Variants in COQ8A observed in about 807,000 individuals in gnomAD.
COQ8A encodes the protein coenzyme Q8A.
COQ8A carries 51 observed loss-of-function variants against 65.0 expected under a neutral mutation model. The observed-to-expected ratio is 0.78, with a 90% CI of 0.63 to 0.99. The LOEUF (loss-of-function observed/expected upper bound fraction) is 0.99, where lower values mean the gene tolerates loss of function less well. Ranked by LOEUF, COQ8A falls within the 50% of genes least tolerant of loss-of-function variation. COQ8A has a pLI of 0.00. For synonymous variants in COQ8A, 371 were observed against 353.2 expected (o/e 1.05, Z -0.57); for missense variants, 940 against 875.0 (o/e 1.07, Z -0.94).
chr1:226,983,483 G>A (rs1240238991), intron 8 of COQ8A, 69 bp from the exon 9 acceptor site: 6 of 1,447,858 alleles, frequency 4.1e-6, no homozygotes, highest in South Asian at 2.3e-5. Context: ...TGGGGGTTGG[G>A]GGAGTGCCCC....
intron 14 of COQ8A, among the ~76,000 whole-genome samples, chr1:226,985,725 G>C (rs1558210689): frequency 6.6e-6 from 1 of 152,162 alleles, no homozygotes; most frequent in Non-Finnish European, 1.5e-5. Flanking sequence ...AAAGGGGAAC[G>C]GTCTGTGCTG....
chr1:226,983,495 G>A (rs1393266992), intron 8 of COQ8A, 57 bp from the exon 9 acceptor site: 28 of 1,528,836 alleles, frequency 1.8e-5, no homozygotes, highest in Non-Finnish European at 2.5e-5. Context: ...GAGTGCCCCA[G>A]GCAGGGCCCA....
intron 5 of COQ8A, among the ~76,000 whole-genome samples, chr1:226,978,177 A>G (rs1659379490): frequency 7.0e-6 from 1 of 142,834 alleles, no homozygotes; most frequent in South Asian, 2.3e-4. Context: ...ACCTTTTTAC[A>G]TCCTCCACAC....
chr1:226,982,320 CA>C (rs973242548), intron 6 of COQ8A, 171 bp downstream of exon 6: 129 of 996,134 alleles, frequency 1.3e-4, no homozygotes, highest in Admixed American at 1.3e-4. Flanking sequence ...GCTCTGGGTC[CA>C]AAGAAACACA....
At chr1:226,961,690 A>G in intron 2 of COQ8A, 128 bp downstream of exon 2, 1 of 1,170,284 alleles carries the variant, frequency 8.5e-7, no homozygotes, top group South Asian at 1.6e-5. Flanking sequence ...CCCACCAGCT[A>G]ATGTGTCCCA....
Position 226,984,858 on chromosome 1 carries a change from T to G in COQ8A, c.1507-18T>G. 6.2e-7 allele frequency: 1 copy of G among 1,614,088 alleles called. No homozygotes were observed. The highest frequency in any genetic ancestry group is 1.1e-5 in the South Asian group (1 of 91,086). ...TGGAGCACCAGGGCCAAACTTCTCC[T>G]GGTGTCTCTGTCCCCAGGTGGCTCT... On this transcript the variant is annotated intron_variant, in intron 12 of 14. Coordinates refer to ENST00000366777, the MANE Select transcript of COQ8A (RefSeq NM_020247.5).
chr1:226,985,139 C>T lies in COQ8A; in HGVS notation c.1573-115C>T. ...GGTGTCACAGCACTGGCCGGGGGCCCTGTGCAGGGAGAGGATGAGGGTGGG... is the reference window on the plus strand; with the variant it reads ...GGTGTCACAGCACTGGCCGGGGGCCTTGTGCAGGGAGAGGATGAGGGTGGG... On this transcript the variant is annotated intron_variant, in intron 13 of 14. Coordinates refer to ENST00000366777, the MANE Select transcript of COQ8A (RefSeq NM_020247.5). The T allele has an allele frequency of 3.8e-6, 5 of 1,298,896 alleles. No homozygotes were observed. In the South Asian group the frequency reaches 5.9e-5, roughly 15 times the overall value. The allele number at this position is 1,298,896 out of a possible 1,614,324, so 80.5% of individuals were successfully genotyped here.
chr1:226,981,316 C>G (rs1189448477), intron 5 of COQ8A, among the ~76,000 whole-genome samples: 2 of 152,216 alleles, frequency 1.3e-5, no homozygotes, highest in Non-Finnish European at 2.9e-5. Context: ...TGGCAGTTGA[C>G]TTAGCCGGCC....
intron 4 of COQ8A, among the ~76,000 whole-genome samples, chr1:226,966,518 A>T (rs1444216630): frequency 6.6e-6 from 1 of 152,172 alleles, no homozygotes; most frequent in Admixed American, 6.5e-5. Context: ...AGCTGTCCTC[A>T]GTAGGTTCTC....
Position 226,986,913 on chromosome 1 carries a change from G to C in COQ8A, c.*176G>C. The C allele has an allele frequency of 5.4e-6, 4 of 745,344 alleles. No homozygotes were observed. Among genetic ancestry groups the C allele is most frequent in the Non-Finnish European group, 8.7e-6 (4 of 458,444 alleles). 46.2% of individuals were successfully genotyped at this position (745,344 alleles called of 1,614,324 possible). ...GGTTTCTGTTGCTAAATGGTTGTAG[G>C]GTGAGAAGTGCAAGAATGAAGATGA... On this transcript the variant is annotated 3_prime_UTR_variant, in exon 15 of 15. Coordinates refer to ENST00000366777, the MANE Select transcript of COQ8A (RefSeq NM_020247.5).
intron 2 of COQ8A, among the ~76,000 whole-genome samples, chr1:226,963,264 C>T (rs935193730): frequency 9.9e-5 from 15 of 151,420 alleles, no homozygotes; most frequent in African/African-American, 1.7e-4. Flanking sequence ...GGTGGCTGCC[C>T]GCAGTGCGCT....
intron 4 of COQ8A, among the ~76,000 whole-genome samples, chr1:226,975,723 C>A (rs961513951): frequency 6.6e-6 from 1 of 152,156 alleles, no homozygotes; most frequent in Non-Finnish European, 1.5e-5. Flanking sequence ...GTTCCTGGCC[C>A]GGCGAGTGCT....
intron 2 of COQ8A, among the ~76,000 whole-genome samples, chr1:226,963,753 T>TG (rs1300173262): frequency 6.6e-5 from 10 of 152,132 alleles, no homozygotes; most frequent in African/African-American, 2.4e-4. Flanking sequence ...TACAGGTGCC[T>TG]GCCACCACGC....
intron 4 of COQ8A, among the ~76,000 whole-genome samples, chr1:226,967,780 A>C: frequency 6.6e-6 from 1 of 152,168 alleles, no homozygotes; most frequent in South Asian, 2.1e-4. Context: ...CACCTGCCTG[A>C]TGTACGGAGC....
chr1:226,984,380 G>C (rs1659939136), intron 11 of COQ8A, 145 bp downstream of exon 11: 1 of 1,348,170 alleles, frequency 7.4e-7, no homozygotes, highest in Non-Finnish European at 1.0e-6. Flanking sequence ...TGGGACTTAG[G>C]GGGACACAGG....
chr1:226,973,334 T>C (rs1659009123), intron 4 of COQ8A, among the ~76,000 whole-genome samples: 2 of 152,160 alleles, frequency 1.3e-5, no homozygotes. Context: ...AGGAGCTCTG[T>C]GTTGGAGATG....
intron 4 of COQ8A, 124 bp from the exon 5 acceptor site, chr1:226,977,325 T>C: frequency 2.4e-6 from 2 of 819,248 alleles, no homozygotes; most frequent in Non-Finnish European, 3.9e-6. Context: ...AAAATGCTGG[T>C]GTGGCAGCGA....
chr1:226,983,457 C>A, intron 8 of COQ8A, 95 bp from the exon 9 acceptor site: 1 of 1,193,408 alleles, frequency 8.4e-7, no homozygotes, highest in Non-Finnish European at 1.2e-6. Context: ...GGCCAGGACA[C>A]AGCTGGGAAG....
chr1:226,985,728 C>T (rs762731246), intron 14 of COQ8A, among the ~76,000 whole-genome samples: 1 of 152,220 alleles, frequency 6.6e-6, no homozygotes, highest in Non-Finnish European at 1.5e-5. Context: ...GGGGAACGGT[C>T]TGTGCTGGTG....
Sources: gnomAD v4.1 joint callset for allele counts (sites outside exome capture counted in the v4.1 genomes callset) on GRCh38, gnomAD v4.1.1 for gene constraint, MANE v1.5 for transcripts, NCBI Gene and HGNC (gene_info 2026-07-23, HGNC 2026-07-21) for gene names.